HSPA12A: variants seen among roughly 807,000 people sequenced by gnomAD.
HSPA12A encodes the protein heat shock 70 kDa protein 12A.
Under a neutral mutation model 69.2 loss-of-function variants are expected in HSPA12A, and 28 were observed. That is an observed-to-expected ratio of 0.40 (90% CI 0.30 to 0.55). The LOEUF (loss-of-function observed/expected upper bound fraction) is 0.55, where lower values mean the gene tolerates loss of function less well. Ranked by LOEUF, HSPA12A falls within the 20% of genes least tolerant of loss-of-function variation. The pLI is 0.38. For synonymous variants in HSPA12A, 345 were observed against 370.5 expected, an observed-to-expected ratio of 0.93 and a Z score of 0.79; for missense variants, 686 against 900.7, an observed-to-expected ratio of 0.76 and a Z score of 3.05.
intron 2 of HSPA12A, among the ~76,000 whole-genome samples, chr10:116,706,958 A>C (rs1850269779): frequency 1.3e-5 from 2 of 152,174 alleles, no homozygotes; most frequent in African/African-American, 4.8e-5. Context: ...CTCCAGAAGC[A>C]CTAGCCACAG....
exon 1 of HSPA12A, chr10:116,849,634 C>CGA: frequency 6.5e-7 from 1 of 1,550,194 alleles, no homozygotes. Context: ...AAGCAGCAGG[C>CGA]GATGGAGTAC....
upstream of HSPA12A, chr10:116,742,633 C>A: frequency 9.7e-7 from 1 of 1,030,326 alleles, no homozygotes; most frequent in South Asian, 4.6e-5. Context: ...CCTCCCCGGG[C>A]CCCGCCCCGG....
chr10:116,690,347 T>C (rs969490894), intron 6 of HSPA12A, among the ~76,000 whole-genome samples: 7 of 152,148 alleles, frequency 4.6e-5, no homozygotes, highest in Admixed American at 2.0e-4. Context: ...CCTACCACGG[T>C]CCTGACAGAG....
chr10:116,850,170 A>C, upstream of HSPA12A: 1 of 245,402 alleles, frequency 4.1e-6, no homozygotes, highest in Non-Finnish European at 8.1e-6. Context: ...GTTTGCTACA[A>C]CTTGGCTTCA....
chr10:116,849,895 A>C (rs1393514185), upstream of HSPA12A: 3 of 834,198 alleles, frequency 3.6e-6, no homozygotes, highest in Admixed American at 6.2e-5. Flanking sequence ...AAGGAGCGGG[A>C]AGGACACCCA....
intron 2 of HSPA12A, among the ~76,000 whole-genome samples, chr10:116,796,265 T>C (rs1266683205): frequency 6.6e-6 from 1 of 152,170 alleles, no homozygotes; most frequent in Non-Finnish European, 1.5e-5. Flanking sequence ...AGAACTCAGT[T>C]CACGTTAGCT....
intron 2 of HSPA12A, among the ~76,000 whole-genome samples, chr10:116,814,379 C>T (rs1845257145): frequency 6.6e-6 from 1 of 152,142 alleles, no homozygotes; most frequent in African/African-American, 2.4e-5. Context: ...ATACAGGAAC[C>T]CCCTTTTTGC....
At chr10:116,707,151 G>GCACACACACACACACA in intron 2 of HSPA12A, 49 bp downstream of exon 2, 1 of 1,018,348 alleles carries the variant, frequency 9.8e-7, no homozygotes, top group East Asian at 4.5e-5. Flanking sequence ...GCACCCATGC[G>GCACACACACACACACA]CGCACACACA....
chr10:116,742,555 C>A lies in HSPA12A; in HGVS notation c.-86G>T, dbSNP rs1445801854. The A allele has an allele frequency of 1.7e-6, 2 of 1,166,216 alleles. No individual in the cohort carries two copies. The highest frequency in any genetic ancestry group is 4.1e-5 in the South Asian group (1 of 24,434). The allele number at this position is 1,166,216 out of a possible 1,614,324, so 72.2% of individuals were successfully genotyped here. ...CTCTGTCCGCGTCCGCGGCGGCGCT[C>A]GGGCCGTGTCTGAGCCGCCGGGCAG... On this transcript the variant is annotated 5_prime_UTR_variant, in exon 1 of 12. Transcript: ENST00000369209.
chr10:116,770,220 C>G (rs982216711), intron 2 of HSPA12A, among the ~76,000 whole-genome samples: 5 of 152,184 alleles, frequency 3.3e-5, no homozygotes, highest in Admixed American at 3.3e-4. Context: ...AAAAACAGGG[C>G]AGGGGTCTCT....
chr10:116,727,160 C>T (rs1159899069), intron 1 of HSPA12A, among the ~76,000 whole-genome samples: 1 of 152,138 alleles, frequency 6.6e-6, no homozygotes, highest in Non-Finnish European at 1.5e-5. Context: ...ATATTTCTAA[C>T]TCCAAAATTT....
intron 2 of HSPA12A, among the ~76,000 whole-genome samples, chr10:116,833,905 A>T (rs544079488): frequency 6.6e-6 from 1 of 152,276 alleles, no homozygotes; most frequent in Non-Finnish European, 1.5e-5. Context: ...CGGAGAAAAA[A>T]ATCTAGCATC....
In HSPA12A at chr10:116,759,298, C is replaced by A. The variant is rs1444886375; in HGVS notation, c.92-52013G>T. 6.6e-5 allele frequency among the ~76,000 whole-genome samples: 10 copies of A among 152,204 alleles called. No individual in the cohort carries two copies. In the East Asian group the frequency reaches 1.9e-3, roughly 29 times the overall value. On this transcript the variant is annotated intron_variant, in intron 2 of 12. Coordinates refer to the HSPA12A transcript ENST00000635765. ...CTGCCCAGTTTCACTGTTAGCTTGA[C>A]CTCAGGAGGTCAGCAAAATGGCAGC... is the stretch of plus-strand genomic sequence containing the variant.
intron 2 of HSPA12A, among the ~76,000 whole-genome samples, chr10:116,804,137 TCCTCCCTCCTC>T (rs1350122953): frequency 3.9e-5 from 6 of 152,030 alleles, no homozygotes; most frequent in African/African-American, 1.5e-4. Flanking sequence ...CTCTTGTCCT[TCCTCCCTCCTC>T]CCTCCAAAAA....
At chr10:116,839,297 C>T (rs540699655) in intron 1 of HSPA12A, among the ~76,000 whole-genome samples, 10 of 152,330 alleles carry the variant, frequency 6.6e-5, no homozygotes, top group African/African-American at 2.4e-4. Flanking sequence ...TCAGACATTA[C>T]TGAAGCTGCA....
At chr10:116,763,695 C>T (rs1844019318) in intron 2 of HSPA12A, among the ~76,000 whole-genome samples, 1 of 152,174 alleles carries the variant, frequency 6.6e-6, no homozygotes, top group African/African-American at 2.4e-5. Context: ...TCATTTTTCT[C>T]TCCCTCATGA....
intron 2 of HSPA12A, among the ~76,000 whole-genome samples, chr10:116,779,938 T>C (rs957831658): frequency 7.2e-5 from 11 of 152,154 alleles, no homozygotes; most frequent in East Asian, 5.8e-4. Flanking sequence ...CCCTAGAACA[T>C]GGACAAGGGC....
At chr10:116,731,151 C>T (rs1474511712) in intron 1 of HSPA12A, among the ~76,000 whole-genome samples, 7 of 152,248 alleles carry the variant, frequency 4.6e-5, no homozygotes, top group African/African-American at 1.4e-4. Flanking sequence ...TTAGGCAGAA[C>T]GGGCCCCTGA....
intron 1 of HSPA12A, among the ~76,000 whole-genome samples, chr10:116,848,979 G>T (rs1845964626): frequency 6.6e-6 from 1 of 152,224 alleles, no homozygotes; most frequent in Non-Finnish European, 1.5e-5. Flanking sequence ...GCTCAGAGCA[G>T]GTAGTTAATA....
Sources: gnomAD v4.1 joint callset for allele counts (sites outside exome capture counted in the v4.1 genomes callset) on GRCh38, gnomAD v4.1.1 for gene constraint, MANE v1.5 for transcripts, NCBI Gene and HGNC (gene_info 2026-07-23, HGNC 2026-07-21) for gene names.